The following RYR1 variants were observed in gnomAD, a reference collection of about 807,000 sequenced individuals.
RYR1 encodes the protein ryanodine receptor 1.
RYR1 carries 342 observed loss-of-function variants against 583.5 expected under a neutral mutation model. That is an observed-to-expected ratio of 0.59 (90% confidence interval 0.54 to 0.64). The LOEUF (loss-of-function observed/expected upper bound fraction) is 0.64, where lower values mean the gene tolerates loss of function less well. Ranked by LOEUF, RYR1 falls within the 30% of genes least tolerant of loss-of-function variation. The pLI, the probability that RYR1 is intolerant of heterozygous loss-of-function variation, is 0.00. For synonymous variants in RYR1, 2,791 were observed against 2,822.5 expected, an observed-to-expected ratio of 0.99 and a Z score of 0.35; for missense variants, 6,032 against 6,917.2, an observed-to-expected ratio of 0.87 and a Z score of 4.54.
At chr19:38,517,730 G>T in intron 66 of RYR1, 39 bp downstream of exon 66, 2 of 1,582,364 alleles carry the variant, frequency 1.3e-6, no homozygotes, top group South Asian at 2.2e-5. Context: ...GGGTGGGTCA[G>T]CAGCCTGGGC....
chr19:38,579,168 C>T (rs1003224356), intron 99 of RYR1, among the ~76,000 whole-genome samples: 3 of 151,996 alleles, frequency 2.0e-5, no homozygotes, highest in Non-Finnish European at 2.9e-5. Flanking sequence ...GGCCTGTAAT[C>T]CCAGCACTTT....
rs1375980213 is a variant in RYR1 at position 38,477,691 on chromosome 19, C to G, written c.4294-19C>G. The G allele has an allele frequency of 6.2e-7, 1 of 1,614,060 alleles. No individual in the cohort carries two copies. The highest frequency in any genetic ancestry group is 1.1e-5 in the South Asian group (1 of 91,036). On this transcript the variant is annotated intron_variant, in intron 29 of 105. Transcript: ENST00000359596. ...CTGACTTCCAGACTGACCACTAGTT[C>G]CCCTCCTTGTGTCACCAGTACTATT...
Position 38,499,092 on chromosome 19 carries a change from C to T in RYR1, c.6892-16C>T, listed in dbSNP as rs1259379510. 2 of 1,613,584 alleles carry T rather than the reference C, an allele frequency of 1.2e-6. No individual in the cohort carries two copies. Among genetic ancestry groups the T allele is most frequent in the Admixed American group, 1.7e-5 (1 of 59,998 alleles). ...GGCATGGGTCTGGTCTCTGACTGAG[C>T]CCCTTCTGCCCCCAGGTTGTGTCCT... On this transcript the variant is annotated splice_polypyrimidine_tract_variant and intron_variant, in intron 42 of 105. Transcript: ENST00000359596. This position sits in a 1 kb window ranked among gnomAD's most constrained non-coding sequence, Gnocchi z 7.3.
chr19:38,556,327 T>A (rs551074692), intron 89 of RYR1, among the ~76,000 whole-genome samples: 1 of 151,832 alleles, frequency 6.6e-6, no homozygotes, highest in East Asian at 2.0e-4. Flanking sequence ...ATAAAAACTT[T>A]AAAAAATAAC....
chr19:38,512,155 C>A lies in RYR1; in HGVS notation c.9233+23C>A. On this transcript the variant is annotated intron_variant, in intron 62 of 105. Transcript: ENST00000359596. The surrounding 1 kb of genome is among the most constrained non-coding windows in gnomAD (Gnocchi z 5.1). ...CAGGTAGGGCCATAGGCAGTGGCGC[C>A]CACTCCCACCATCATCGGGCCCCCA... 6.2e-7 allele frequency: 1 copy of A among 1,613,812 alleles called. No homozygotes were observed. Among genetic ancestry groups the A allele is most frequent in the Non-Finnish European group, 8.5e-7 (1 of 1,179,818 alleles).
chr19:38,508,515 A>G (rs1038264724), intron 58 of RYR1, among the ~76,000 whole-genome samples: 4 of 152,154 alleles, frequency 2.6e-5, no homozygotes, highest in African/African-American at 7.2e-5. Context: ...CCGGCTTGCC[A>G]GTTGTAATTT....
At chr19:38,553,334 CAAAAA>C (rs566497167) in intron 89 of RYR1, among the ~76,000 whole-genome samples, 1 of 80,948 alleles carries the variant, frequency 1.2e-5, no homozygotes, top group East Asian at 3.6e-4. Context: ...GACTCCATAT[CAAAAA>C]AAAAAAAAAA....
intron 97 of RYR1, 64 bp from the exon 98 acceptor site, chr19:38,577,854 T>G (rs1863105865): frequency 4.4e-6 from 7 of 1,606,622 alleles, no homozygotes; most frequent in Non-Finnish European, 6.0e-6. Context: ...AGAACCCCCT[T>G]GCAGGCCACG....
chr19:38,521,348 C>G (rs1019638284), intron 67 of RYR1, among the ~76,000 whole-genome samples: 8 of 150,462 alleles, frequency 5.3e-5, no homozygotes, highest in African/African-American at 2.0e-4. Context: ...AATATGTGAA[C>G]CTACTTAGAT....
intron 63 of RYR1, among the ~76,000 whole-genome samples, chr19:38,513,756 G>T (rs1223020442): frequency 2.0e-5 from 3 of 151,662 alleles, no homozygotes; most frequent in Non-Finnish European, 4.4e-5. Context: ...AAAGAAAATT[G>T]TTAACAATTT....
At chr19:38,520,771 G>A (rs1402902948) in intron 67 of RYR1, among the ~76,000 whole-genome samples, 2 of 148,776 alleles carry the variant, frequency 1.3e-5, no homozygotes, top group African/African-American at 4.9e-5. Context: ...ATTCTCTGCT[G>A]TTGGATATAG....
intron 58 of RYR1, among the ~76,000 whole-genome samples, chr19:38,508,461 T>C (rs1448398987): frequency 6.6e-6 from 1 of 152,194 alleles, no homozygotes; most frequent in Non-Finnish European, 1.5e-5. Flanking sequence ...ATCTGCCGCC[T>C]CGGCCTCCCA....
chr19:38,467,711 G>T lies in RYR1; in HGVS notation c.3280G>T (p.Val1094Phe). 1 of 1,614,238 alleles carries T rather than the reference G, an allele frequency of 6.2e-7. No individual in the cohort carries two copies. Among genetic ancestry groups the T allele is most frequent in the Non-Finnish European group, 8.5e-7 (1 of 1,180,046 alleles). Residue 1094 changes from valine (V) to phenylalanine (F), a missense_variant, in exon 25 of 106, where the codon GTC (valine) becomes TTC (phenylalanine). Val to Phe is a conservative substitution (Grantham distance 50). This residue lies in a region of RYR1 where 2,627 missense variants were observed against 2,961.3 expected (regional missense o/e 0.89). Coordinates refer to ENST00000359596, the MANE Select transcript of RYR1 (RefSeq NM_000540.3). Reference protein sequence around the residue: ...SGRWYFEFEAVTTGEMRVGWA... With the variant: ...SGRWYFEFEAFTTGEMRVGWA... ...CCGCTGGTACTTCGAGTTTGAAGCA[G>T]TCACCACAGGCGAGATGCGCGTGGG... is the stretch of plus-strand genomic sequence containing the variant.
chr19:38,477,447 A>G (rs936234520), intron 29 of RYR1, among the ~76,000 whole-genome samples: 1 of 152,132 alleles, frequency 6.6e-6, no homozygotes, highest in African/African-American at 2.4e-5. Context: ...CTGGCCTGCA[A>G]TTATTTATTT....
chr19:38,446,542 T>G lies in RYR1; in HGVS notation c.702T>G (p.Pro234=). Residue 234 remains proline (P), a synonymous_variant, in exon 8 of 106, where the codon CCT becomes CCG. Transcript: ENST00000359596. ...TGGATGAGTGTCTGACCATTTCCCC[T>G]GCTGACAGTGATGACCAGCGCAGGT... The part of the protein sequence containing the change: ...GHMDECLTIS[P]ADSDDQRRLV... 1 of 1,614,124 alleles carries G rather than the reference T, an allele frequency of 6.2e-7. No homozygotes were observed. The highest frequency in any genetic ancestry group is 8.5e-7 in the Non-Finnish European group (1 of 1,179,974).
rs979660145 is a variant in RYR1 at position 38,505,898 on chromosome 19, G to A, written c.8493G>A (p.Glu2831=). Residue 2831 remains glutamate, a synonymous_variant, in exon 54 of 106, where the codon GAG becomes GAA. Coordinates refer to ENST00000359596, the MANE Select transcript of RYR1 (RefSeq NM_000540.3). Reference sequence around the variant, plus strand: ...TAGAGAAGGCCAGGGAGGGTGAGGAGGAGAAGACGGAAAAGAAAAAAACGC... The same window carrying A: ...TAGAGAAGGCCAGGGAGGGTGAGGAAGAGAAGACGGAAAAGAAAAAAACGC... ...WTIEKAREGE[E]EKTEKKKTRK... 1.2e-6 allele frequency: 2 copies of A among 1,614,016 alleles called. No individual in the cohort carries two copies. The highest frequency in any genetic ancestry group is 1.3e-5 in the African/African-American group (1 of 74,998).
Position 38,486,055 on chromosome 19 carries a change from T to G in RYR1, c.5400T>G (p.Pro1800=). 1 of 1,612,606 alleles carries G rather than the reference T, an allele frequency of 6.2e-7. No individual in the cohort carries two copies. Among genetic ancestry groups the G allele is most frequent in the South Asian group, 1.1e-5 (1 of 91,000 alleles). ...CAGAGGCCCCGGCCCGCCTCAGCCC[T>G]GCCATCCCGCTGGAGGCCCTGCGGG... ...GAAEAPARLS[P]AIPLEALRDK... Residue 1800 remains proline, a synonymous_variant, in exon 34 of 106, where the codon CCT becomes CCG. Coordinates refer to ENST00000359596, the MANE Select transcript of RYR1 (RefSeq NM_000540.3).
At chr19:38,509,055 C>A (rs1290862379) in intron 58 of RYR1, among the ~76,000 whole-genome samples, 1 of 152,040 alleles carries the variant, frequency 6.6e-6, no homozygotes. Context: ...AGAGACCCCC[C>A]CCAGCATTCC....
Position 38,473,575 on chromosome 19 carries a change from G to A in RYR1, c.3964G>A (p.Ala1322Thr). 1.3e-6 allele frequency: 2 copies of A among 1,595,080 alleles called. No homozygotes were observed. Among genetic ancestry groups the A allele is most frequent in the South Asian group, 1.1e-5 (1 of 88,984 alleles). Residue 1322 changes from alanine to threonine, a missense_variant, in exon 28 of 106, where the codon GCC (alanine) becomes ACC (threonine). By Grantham distance (58) the Ala-to-Thr change is moderately conservative. This residue lies in a region of RYR1 where 2,627 missense variants were observed against 2,961.3 expected (regional missense o/e 0.89). Coordinates refer to ENST00000359596, the MANE Select transcript of RYR1 (RefSeq NM_000540.3). Reference sequence around the variant, plus strand: ...CCTGCAGCCCCCCGCCGAGGACGAGGCCCGGGCGGCGGAACCCGACCCTGA... The same window carrying A: ...CCTGCAGCCCCCCGCCGAGGACGAGACCCGGGCGGCGGAACCCGACCCTGA... ...PGLQPPAEDE[A>T]RAAEPDPDYE...
Sources: gnomAD v4.1 joint callset for allele counts (sites outside exome capture counted in the v4.1 genomes callset) on GRCh38, gnomAD v4.1.1 for gene constraint, gnomAD v4.1.1 regional missense constraint, Gnocchi (gnomAD v3.1) non-coding constraint, MANE v1.5 for transcripts, NCBI Gene and HGNC (gene_info 2026-07-23, HGNC 2026-07-21) for gene names.